GLIS3: variants seen among roughly 807,000 people sequenced by gnomAD.
GLIS3 encodes the protein zinc finger protein GLIS3.
GLIS3 carries 53 observed loss-of-function variants against 78.6 expected under a neutral mutation model. That is an observed-to-expected ratio of 0.67 (90% CI 0.54 to 0.85). GLIS3 has a LOEUF of 0.85. Ranked by LOEUF, GLIS3 falls within the 40% of genes least tolerant of loss-of-function variation. The pLI, the probability that GLIS3 is intolerant of heterozygous loss-of-function variation, is 0.00. For missense variants in GLIS3, 1,703 were observed against 1,231.1 expected (o/e 1.38, Z -5.74); for synonymous variants, 684 against 509.9 (o/e 1.34, Z -4.60).
the GLIS3 span, among the ~76,000 whole-genome samples, chr9:4,369,998 C>T: frequency 6.6e-6 from 1 of 151,996 alleles, no homozygotes; most frequent in Non-Finnish European, 1.5e-5. Flanking sequence ...TCGAGACCAG[C>T]CTGGCCAAAA....
intron 2 of GLIS3, among the ~76,000 whole-genome samples, chr9:4,264,187 G>A (rs1825775165): frequency 6.6e-6 from 1 of 152,138 alleles, no homozygotes; most frequent in Non-Finnish European, 1.5e-5. Context: ...TTCACTACAT[G>A]TTCAAACCAA....
chr9:4,120,032 T>C lies in GLIS3; in HGVS notation c.597-1151A>G, dbSNP rs183564697. Among the ~76,000 whole-genome samples, 101 of 152,366 alleles carry C rather than the reference T, an allele frequency of 6.6e-4. 1 individual carries two copies. The East Asian group carries it at 9.1e-3, about 14-fold the overall frequency. On this transcript the variant is annotated intron_variant, in intron 3 of 10. Transcript: ENST00000381971. ...ACCTGGCTTATTATATGTACCTGCA[T>C]TGACTTTCTACTGAAGTCTTTTTTA... is the stretch of plus-strand genomic sequence containing the variant.
chr9:4,278,028 G>A (rs1827188385), intron 2 of GLIS3, among the ~76,000 whole-genome samples: 2 of 151,826 alleles, frequency 1.3e-5, no homozygotes, highest in African/African-American at 2.4e-5. Flanking sequence ...CATGTAGTAA[G>A]TGATCAATTT....
At chr9:4,173,937 C>T (rs570135705) in intron 2 of GLIS3, among the ~76,000 whole-genome samples, 140 of 150,892 alleles carry the variant, frequency 9.3e-4, no homozygotes, top group African/African-American at 3.2e-3. Context: ...CACACACGCA[C>T]GCACGCACAC....
chr9:4,075,602 G>C (rs952374339), intron 4 of GLIS3, among the ~76,000 whole-genome samples: 4 of 151,966 alleles, frequency 2.6e-5, no homozygotes, highest in Non-Finnish European at 5.9e-5. Context: ...AAACAAAAAA[G>C]ATATTCGATA....
At chr9:4,355,150 A>C in the GLIS3 span, among the ~76,000 whole-genome samples, 1 of 151,862 alleles carries the variant, frequency 6.6e-6, no homozygotes, top group African/African-American at 2.4e-5. Context: ...AAAGAAAAAG[A>C]AAAAGAAAAA....
intron 2 of GLIS3, among the ~76,000 whole-genome samples, chr9:4,319,983 TTGTGTGTGTGTG>T (rs58794068): frequency 3.0e-3 from 442 of 145,158 alleles, no homozygotes; most frequent in Non-Finnish European, 3.9e-3. Flanking sequence ...GTAGAGGGGG[TTGTGTGTGTGTG>T]TGTGTGTGTG....
intron 2 of GLIS3, among the ~76,000 whole-genome samples, chr9:4,270,064 C>A (rs901605573): frequency 2.6e-5 from 4 of 152,142 alleles, no homozygotes; most frequent in African/African-American, 9.7e-5. Context: ...CCCACCCTGG[C>A]TCTAGACACC....
At chr9:4,159,888 G>C (rs532167629) in intron 2 of GLIS3, among the ~76,000 whole-genome samples, 1 of 152,176 alleles carries the variant, frequency 6.6e-6, no homozygotes, top group Non-Finnish European at 1.5e-5. Context: ...AAGTAACTCA[G>C]AAGAGCTCAG....
At chr9:3,997,784 A>G (rs1409505022) in intron 4 of GLIS3, among the ~76,000 whole-genome samples, 3 of 152,148 alleles carry the variant, frequency 2.0e-5, no homozygotes, top group Non-Finnish European at 4.4e-5. Flanking sequence ...TTTAAAGGAA[A>G]TAGGAATAAG....
chr9:3,965,338 C>T (rs1306840567), intron 4 of GLIS3, among the ~76,000 whole-genome samples: 3 of 151,682 alleles, frequency 2.0e-5, no homozygotes, highest in African/African-American at 7.3e-5. Context: ...GGACTACAGG[C>T]GCGAGCCACC....
the GLIS3 span, among the ~76,000 whole-genome samples, chr9:4,354,669 A>G: frequency 0.011 from 1,639 of 152,254 alleles, 37 homozygotes; most frequent in African/African-American, 0.038. Context: ...CGGTCCTGGG[A>G]TCAGGAGAAT....
chr9:4,321,239 T>A (rs113306529), intron 2 of GLIS3, among the ~76,000 whole-genome samples: 1 of 138,836 alleles, frequency 7.2e-6, no homozygotes. Flanking sequence ...GCTAACACGG[T>A]GAAACCCCGT....
At chr9:4,464,035 G>T in the GLIS3 span, among the ~76,000 whole-genome samples, 1 of 152,204 alleles carries the variant, frequency 6.6e-6, no homozygotes, top group Non-Finnish European at 1.5e-5. Context: ...GGGTCCTAAA[G>T]TGTAGAACAT....
At chr9:4,217,389 C>T (rs531449825) in intron 2 of GLIS3, among the ~76,000 whole-genome samples, 2 of 152,202 alleles carry the variant, frequency 1.3e-5, no homozygotes, top group Non-Finnish European at 2.9e-5. Context: ...TCCAGCCTCT[C>T]ACCCTAAGGG....
At chr9:4,378,204 C>CTA in the GLIS3 span, among the ~76,000 whole-genome samples, 173 of 151,240 alleles carry the variant, frequency 1.1e-3, no homozygotes, top group African/African-American at 1.6e-3. Flanking sequence ...GTGCCAGATA[C>CTA]TATATATATA....
chr9:4,033,864 T>A (rs1309133662), intron 4 of GLIS3, among the ~76,000 whole-genome samples: 747 of 67,858 alleles, frequency 0.011, no homozygotes, highest in Middle Eastern at 0.016. Flanking sequence ...AGGCGAAGGA[T>A]AAAAAAAAAA....
intron 4 of GLIS3, among the ~76,000 whole-genome samples, chr9:4,080,077 C>A (rs977974412): frequency 4.6e-5 from 7 of 152,192 alleles, no homozygotes; most frequent in African/African-American, 1.4e-4. Context: ...AGGAATCTGC[C>A]TGCTTGTCAA....
At chr9:4,489,814 C>A in the GLIS3 span, among the ~76,000 whole-genome samples, 3 of 152,186 alleles carry the variant, frequency 2.0e-5, no homozygotes, top group African/African-American at 7.2e-5. Context: ...GAGAAATCAC[C>A]ATCTCCTTGT....
Sources: gnomAD v4.1 joint callset for allele counts (sites outside exome capture counted in the v4.1 genomes callset) on GRCh38, gnomAD v4.1.1 for gene constraint, MANE v1.5 for transcripts, NCBI Gene and HGNC (gene_info 2026-07-23, HGNC 2026-07-21) for gene names.